CSNK1G3: variants seen among roughly 807,000 people sequenced by gnomAD.
CSNK1G3 encodes the protein casein kinase 1 gamma 3.
In CSNK1G3, 23 loss-of-function variants were observed where a neutral mutation model predicts 64.3. The ratio of observed to expected loss-of-function variants is 0.36; its 90% CI spans 0.26 to 0.51. The LOEUF is 0.51. Among genes scored for constraint, CSNK1G3 ranks in the 20% least tolerant of loss-of-function variants. The probability of loss-of-function intolerance (pLI) is 0.96; values close to 1 mark genes in which losing one functional copy is unlikely to be tolerated. For missense variants in CSNK1G3, 357 were observed against 510.5 expected, an observed-to-expected ratio of 0.70 and a Z score of 2.90; for synonymous variants, 158 against 162.2, an observed-to-expected ratio of 0.97 and a Z score of 0.20.
intron 12 of CSNK1G3, among the ~76,000 whole-genome samples, chr5:123,605,934 A>G (rs1276097353): frequency 6.6e-6 from 1 of 152,110 alleles, no homozygotes. Flanking sequence ...AAATAATTTT[A>G]GATTTAAATT....
chr5:123,525,921 C>T (rs527528576), intron 1 of CSNK1G3, among the ~76,000 whole-genome samples: 1 of 150,858 alleles, frequency 6.6e-6, no homozygotes, highest in South Asian at 2.1e-4. Flanking sequence ...CGGCATGAAC[C>T]TGGGAGGCGG....
At chr5:123,517,049 C>G (rs1456336748) in intron 1 of CSNK1G3, among the ~76,000 whole-genome samples, 2 of 152,164 alleles carry the variant, frequency 1.3e-5, no homozygotes, top group Non-Finnish European at 2.9e-5. Flanking sequence ...ATAGTAGGCA[C>G]TGTGTAAATC....
intron 1 of CSNK1G3, among the ~76,000 whole-genome samples, chr5:123,541,596 T>C (rs927618098): frequency 1.3e-5 from 2 of 152,050 alleles, no homozygotes; most frequent in African/African-American, 4.8e-5. Context: ...TCCCAGCTTA[T>C]TATTTTTGTA....
At chr5:123,601,680 ACTAC>A (rs1794528079) in intron 10 of CSNK1G3, among the ~76,000 whole-genome samples, 1 of 152,170 alleles carries the variant, frequency 6.6e-6, no homozygotes, top group African/African-American at 2.4e-5. Flanking sequence ...TAGAATTTAG[ACTAC>A]CTGAGTTTTT....
In CSNK1G3 at chr5:123,558,037, C is replaced by T. The variant is rs545090793; in HGVS notation, c.289+473C>T. 2.6e-5 allele frequency among the ~76,000 whole-genome samples: 4 copies of T among 152,244 alleles called. No individual in the cohort carries two copies. In the East Asian group the frequency reaches 5.8e-4, roughly 22 times the overall value. The stretch of plus-strand genomic sequence containing the variant: ...TGGTGGGGGCAGAGGGACATTTACA[C>T]ACACAGAAAAGGAGTAGGCATTGTG... On this transcript the variant is annotated intron_variant, in intron 4 of 12. Coordinates refer to ENST00000345990, the Ensembl canonical transcript of CSNK1G3.
At chr5:123,613,791 C>T (rs1269406967) in intron 12 of CSNK1G3, among the ~76,000 whole-genome samples, 1 of 152,038 alleles carries the variant, frequency 6.6e-6, no homozygotes, top group East Asian at 1.9e-4. Flanking sequence ...TAGTTTTTAC[C>T]TTAACTAAAC....
At chr5:123,595,186 C>A (rs1343626662) in intron 10 of CSNK1G3, 52 bp downstream of exon 11, 2 of 1,532,904 alleles carry the variant, frequency 1.3e-6, no homozygotes, top group Admixed American at 3.5e-5. Context: ...ATACAACTAA[C>A]CCTTTTTTTT....
intron 3 of CSNK1G3, 87 bp from the exon 4 acceptor site, chr5:123,557,408 A>G: frequency 1.2e-5 from 11 of 939,176 alleles, no homozygotes; most frequent in Non-Finnish European, 1.7e-5. Flanking sequence ...TAATATAGGC[A>G]TTGACACCAA....
intron 4 of CSNK1G3, among the ~76,000 whole-genome samples, chr5:123,567,346 A>G (rs2150573614): frequency 6.6e-6 from 1 of 152,332 alleles, no homozygotes; most frequent in South Asian, 2.1e-4. Flanking sequence ...CACGCCTGTA[A>G]TCCCAGCACT....
chr5:123,523,493 A>AT (rs1008768262), intron 1 of CSNK1G3, among the ~76,000 whole-genome samples: 1 of 152,102 alleles, frequency 6.6e-6, no homozygotes, highest in African/African-American at 2.4e-5. Flanking sequence ...TTCAATGAAC[A>AT]TTTTTTGTGT....
chr5:123,514,226 A>C (rs1776743113), intron 1 of CSNK1G3, among the ~76,000 whole-genome samples: 1 of 152,160 alleles, frequency 6.6e-6, no homozygotes, highest in Non-Finnish European at 1.5e-5. Flanking sequence ...GGATCTTGAG[A>C]AACGATTGTC....
intron 1 of CSNK1G3, among the ~76,000 whole-genome samples, chr5:123,528,440 G>C (rs544977380): frequency 6.6e-6 from 1 of 152,266 alleles, no homozygotes; most frequent in East Asian, 1.9e-4. Flanking sequence ...TGACTGCTAT[G>C]TGTTATAGTA....
chr5:123,583,281 C>T (rs1304777221), intron 6 of CSNK1G3, among the ~76,000 whole-genome samples: 1 of 138,106 alleles, frequency 7.2e-6, no homozygotes, highest in East Asian at 2.0e-4. Flanking sequence ...TTACATATTT[C>T]CTGTTTTTTA....
At chr5:123,538,486 GTC>G (rs1370244634) in intron 1 of CSNK1G3, among the ~76,000 whole-genome samples, 1 of 152,130 alleles carries the variant, frequency 6.6e-6, no homozygotes, top group Non-Finnish European at 1.5e-5. Context: ...TGTGAAAAGA[GTC>G]TATTCAGATC....
chr5:123,545,176 T>C (rs1384549683), intron 1 of CSNK1G3, among the ~76,000 whole-genome samples: 1 of 152,134 alleles, frequency 6.6e-6, no homozygotes, highest in East Asian at 1.9e-4. Flanking sequence ...TGAAACAGTA[T>C]AATTTTGTTC....
At chr5:123,526,601 C>G (rs1326396902) in intron 1 of CSNK1G3, among the ~76,000 whole-genome samples, 1 of 152,168 alleles carries the variant, frequency 6.6e-6, no homozygotes, top group Admixed American at 6.5e-5. Context: ...CTAGCAGCCA[C>G]TGATTTGTTT....
chr5:123,573,312 A>C (rs1191005080), intron 4 of CSNK1G3, 81 bp from the exon 5 acceptor site: 1 of 1,449,740 alleles, frequency 6.9e-7, no homozygotes, highest in Non-Finnish European at 9.6e-7. Flanking sequence ...AAACTATAAA[A>C]TTTTAAATAT....
chr5:123,563,021 A>AT (rs1279249615), intron 4 of CSNK1G3, among the ~76,000 whole-genome samples: 1 of 151,778 alleles, frequency 6.6e-6, no homozygotes, highest in Admixed American at 6.6e-5. Flanking sequence ...ACACTTCTTA[A>AT]TTTTTTTTGA....
At chr5:123,553,239 T>G in intron 3 of CSNK1G3, 92 bp downstream of exon 3, 1 of 652,628 alleles carries the variant, frequency 1.5e-6, no homozygotes, top group South Asian at 2.8e-5. Flanking sequence ...TTCATGTCAT[T>G]TATAATTTGG....
Sources: allele counts gnomAD v4.1 joint callset (sites outside exome capture counted in the v4.1 genomes callset), GRCh38; gene constraint gnomAD v4.1.1; transcripts MANE v1.5; gene names NCBI Gene and HGNC (gene_info 2026-07-23, HGNC 2026-07-21).